Variants in PCDH9 observed in about 807,000 individuals in gnomAD.
PCDH9 encodes protocadherin 9.
A neutral mutation model predicts 70.6 loss-of-function variants in PCDH9; 24 were observed. The observed-to-expected ratio is 0.34, with a 90% CI of 0.25 to 0.48. The LOEUF (loss-of-function observed/expected upper bound fraction) is 0.48. PCDH9 is among the 20% of genes least tolerant of loss of function. The probability of loss-of-function intolerance (pLI) is 0.99; values close to 1 mark genes in which losing one functional copy is unlikely to be tolerated. For synonymous variants in PCDH9, 562 were observed against 558.5 expected (o/e 1.01, Z -0.09); for missense variants, 1,281 against 1,503.6 (o/e 0.85, Z 2.45).
At chr13:66,625,605 A>G (rs1017062995) in intron 4 of PCDH9, among the ~76,000 whole-genome samples, 1 of 151,648 alleles carries the variant, frequency 6.6e-6, no homozygotes, top group Non-Finnish European at 1.5e-5. Flanking sequence ...TTTTTTTTTC[A>G]TATATACATA....
chr13:67,075,551 T>C lies in PCDH9; in HGVS notation c.3036+149854A>G, dbSNP rs2085861903. ...AGGAATCATGATGGGTTTTTTTTCTTAATTATGATGGGCACATTTTAGAAA... is the reference window on the plus strand; with the variant it reads ...AGGAATCATGATGGGTTTTTTTTCTCAATTATGATGGGCACATTTTAGAAA... On this transcript the variant is annotated intron_variant, in intron 2 of 4. Coordinates refer to ENST00000377865, the MANE Select transcript of PCDH9 (RefSeq NM_203487.3). Among the ~76,000 whole-genome samples, 3 of 152,100 alleles carry C rather than the reference T, an allele frequency of 2.0e-5. No individual in the cohort carries two copies. The South Asian group carries it at 6.2e-4, about 32-fold the overall frequency.
intron 2 of PCDH9, among the ~76,000 whole-genome samples, chr13:67,018,037 T>C (rs561586089): frequency 3.9e-5 from 6 of 152,204 alleles, no homozygotes; most frequent in Non-Finnish European, 8.8e-5. Flanking sequence ...ATTTTACAAA[T>C]TTTTCTTTGA....
intron 2 of PCDH9, chr13:67,204,989 T>C (rs1483760623): frequency 6.6e-6 from 1 of 152,192 alleles, no homozygotes; most frequent in Non-Finnish European, 1.5e-5. Flanking sequence ...TAATTAAATA[T>C]GAGTTCCATT....
At chr13:66,323,533 TA>T (rs1177319868) in intron 4 of PCDH9, 3 of 152,082 alleles carry the variant, frequency 2.0e-5, no homozygotes. Context: ...GGTTTTCTTC[TA>T]AGGAATTAAA....
At chr13:67,012,861 T>C (rs1254789137) in intron 2 of PCDH9, among the ~76,000 whole-genome samples, 3 of 151,974 alleles carry the variant, frequency 2.0e-5, no homozygotes, top group Non-Finnish European at 2.9e-5. Flanking sequence ...AGAAGATCAA[T>C]TGTAGCGGAC....
At chr13:66,953,820 G>A (rs969910177) in intron 2 of PCDH9, among the ~76,000 whole-genome samples, 1 of 152,100 alleles carries the variant, frequency 6.6e-6, no homozygotes, top group Non-Finnish European at 1.5e-5. Context: ...TACTGGGTGA[G>A]CTTACATTAA....
intron 2 of PCDH9, chr13:67,214,757 A>G (rs2089550547): frequency 6.6e-6 from 1 of 151,622 alleles, no homozygotes; most frequent in African/African-American, 2.4e-5. Context: ...GCAGATGAAC[A>G]CAGGTGAGTC....
chr13:67,154,595 A>AAT (rs1264906888), intron 2 of PCDH9, among the ~76,000 whole-genome samples: 1 of 88,990 alleles, frequency 1.1e-5, no homozygotes, highest in African/African-American at 4.5e-5. Flanking sequence ...AAAAAAAAAA[A>AAT]ATATATATAT....
intron 4 of PCDH9, among the ~76,000 whole-genome samples, chr13:66,341,450 CA>C (rs1403142802): frequency 1.3e-5 from 2 of 152,040 alleles, no homozygotes; most frequent in Non-Finnish European, 2.9e-5. Context: ...TTTGGCTATG[CA>C]AACTGTGCCA....
At chr13:66,751,806 C>T (rs2079463681) in intron 3 of PCDH9, among the ~76,000 whole-genome samples, 1 of 152,108 alleles carries the variant, frequency 6.6e-6, no homozygotes, top group African/African-American at 2.4e-5. Flanking sequence ...CTGTTGGCTA[C>T]CATACCAGAC....
chr13:66,695,715 T>TA (rs778831844), intron 3 of PCDH9, among the ~76,000 whole-genome samples: 25 of 152,106 alleles, frequency 1.6e-4, no homozygotes, highest in Non-Finnish European at 2.4e-4. Flanking sequence ...TTTAGCTCTA[T>TA]AAAAATATTT....
At chr13:66,624,759 A>C (rs1269526429) in intron 4 of PCDH9, among the ~76,000 whole-genome samples, 1 of 152,256 alleles carries the variant, frequency 6.6e-6, no homozygotes, top group Non-Finnish European at 1.5e-5. Context: ...AAATATATGA[A>C]ATATGCTTGC....
intron 3 of PCDH9, among the ~76,000 whole-genome samples, chr13:66,789,986 T>A (rs186278376): frequency 1.3e-5 from 2 of 152,194 alleles, no homozygotes; most frequent in East Asian, 3.9e-4. Context: ...AGGGCATCTA[T>A]CTTCTAATGC....
intron 2 of PCDH9, among the ~76,000 whole-genome samples, chr13:66,983,999 T>TAA (rs2083834820): frequency 6.6e-6 from 1 of 152,086 alleles, no homozygotes; most frequent in Admixed American, 6.6e-5. Context: ...TATATTCTAA[T>TAA]AAATAACAAC....
At chr13:67,220,855 G>C (rs2089709473) in intron 2 of PCDH9, 1 of 151,966 alleles carries the variant, frequency 6.6e-6, no homozygotes, top group Admixed American at 6.6e-5. Flanking sequence ...AATGCGTCTT[G>C]AATTTTATAG....
intron 2 of PCDH9, among the ~76,000 whole-genome samples, chr13:67,124,245 G>C (rs1232192724): frequency 1.3e-5 from 2 of 152,084 alleles, no homozygotes; most frequent in Non-Finnish European, 2.9e-5. Flanking sequence ...TGCTCACTCA[G>C]GTGTTTGCTA....
chr13:66,688,681 T>A (rs1335844761), intron 3 of PCDH9, among the ~76,000 whole-genome samples: 1 of 152,182 alleles, frequency 6.6e-6, no homozygotes, highest in African/African-American at 2.4e-5. Context: ...TTGCTATTAT[T>A]ACAGAAACCA....
chr13:66,550,611 A>G (rs557340033), intron 4 of PCDH9, among the ~76,000 whole-genome samples: 10 of 152,280 alleles, frequency 6.6e-5, no homozygotes, highest in African/African-American at 2.4e-4. Flanking sequence ...TGAAGCAAAC[A>G]GTAAAAAGAA....
intron 3 of PCDH9, among the ~76,000 whole-genome samples, chr13:66,893,616 A>G (rs77201779): frequency 0.035 from 5,353 of 152,258 alleles, 306 homozygotes; most frequent in African/African-American, 0.12. Context: ...AGTGGTTTTC[A>G]AACTTTGGAC....
Sources: gnomAD v4.1 joint callset for allele counts (sites outside exome capture counted in the v4.1 genomes callset) on GRCh38, gnomAD v4.1.1 for gene constraint, MANE v1.5 for transcripts, NCBI Gene and HGNC (gene_info 2026-07-23, HGNC 2026-07-21) for gene names.